The following MYO1E variants were observed in gnomAD, a reference collection of about 807,000 sequenced individuals.
MYO1E encodes the protein myosin IE, also known as unconventional myosin-Ie.
In MYO1E, 68 loss-of-function variants were observed where a neutral mutation model predicts 151.1. The ratio of observed to expected loss-of-function variants is 0.45; its 90% CI spans 0.37 to 0.55. MYO1E has a LOEUF of 0.55. MYO1E is among the 20% of genes least tolerant of loss of function. The pLI is 0.00. For synonymous variants in MYO1E, 601 were observed against 501.7 expected, an observed-to-expected ratio of 1.20 and a Z score of -2.64; for missense variants, 1,363 against 1,389.3, an observed-to-expected ratio of 0.98 and a Z score of 0.30.
At chr15:59,193,280 A>G (rs1220572171) in intron 17 of MYO1E, among the ~76,000 whole-genome samples, 13 of 152,214 alleles carry the variant, frequency 8.5e-5, no homozygotes, top group Admixed American at 5.9e-4. Flanking sequence ...AATGTAAGAG[A>G]GCAAAACAAG....
chr15:59,213,962 A>G (rs2079897769), intron 12 of MYO1E, among the ~76,000 whole-genome samples: 1 of 152,228 alleles, frequency 6.6e-6, no homozygotes, highest in Non-Finnish European at 1.5e-5. Context: ...CACGTGCTCA[A>G]TGAGTCAGTA....
At chr15:59,268,776 C>T (rs1566997359) in intron 2 of MYO1E, among the ~76,000 whole-genome samples, 1 of 110,566 alleles carries the variant, frequency 9.0e-6, no homozygotes, top group African/African-American at 3.2e-5. Context: ...GTTAAATGAA[C>T]CTACATTGCT....
intron 1 of MYO1E, among the ~76,000 whole-genome samples, chr15:59,356,316 T>TG (rs76605167): frequency 0.16 from 24,125 of 151,798 alleles, 2,194 homozygotes; most frequent in East Asian, 0.29. Flanking sequence ...CACAACGGAG[T>TG]GGGGAGTGAC....
At chr15:59,268,720 A>ATTTTGTTTTTTTTTTTTTTTTTTTTTTT (rs2080271394) in intron 2 of MYO1E, among the ~76,000 whole-genome samples, 1 of 44,906 alleles carries the variant, frequency 2.2e-5, no homozygotes. Context: ...TGACTTTGGT[A>ATTTTGTTTTTTTTTTTTTTTTTTTTTTT]TTTTTTTTTT....
chr15:59,276,549 C>G (rs2080320357), intron 1 of MYO1E, among the ~76,000 whole-genome samples: 1 of 152,220 alleles, frequency 6.6e-6, no homozygotes, highest in Non-Finnish European at 1.5e-5. Context: ...TGAGTGCAGA[C>G]ACTCTCAGAT....
intron 16 of MYO1E, among the ~76,000 whole-genome samples, chr15:59,198,500 G>A (rs2079781322): frequency 6.6e-6 from 1 of 152,054 alleles, no homozygotes; most frequent in South Asian, 2.1e-4. Flanking sequence ...ATTTAATCTA[G>A]AGATTGAAAT....
At chr15:59,233,890 C>CAAAA (rs11445698) in intron 5 of MYO1E, among the ~76,000 whole-genome samples, 1 of 147,558 alleles carries the variant, frequency 6.8e-6, no homozygotes. Flanking sequence ...GACTTAGTAC[C>CAAAA]AAAAAAAAAA....
chr15:59,361,827 A>T (rs983325310), intron 1 of MYO1E, among the ~76,000 whole-genome samples: 14 of 151,666 alleles, frequency 9.2e-5, no homozygotes, highest in African/African-American at 3.1e-4. Context: ...TTTTTTAATT[A>T]ATTTATTAAT....
At chr15:59,149,052 G>GTTTTTTTTTTT (rs570700878) in intron 26 of MYO1E, among the ~76,000 whole-genome samples, 2 of 128,232 alleles carry the variant, frequency 1.6e-5, no homozygotes, top group Admixed American at 7.8e-5. Context: ...TTTTTTTTTT[G>GTTTTTTTTTTT]TTTTTTTTTT....
intron 1 of MYO1E, among the ~76,000 whole-genome samples, chr15:59,359,038 G>T (rs1238896437): frequency 1.3e-5 from 2 of 152,058 alleles, no homozygotes; most frequent in Admixed American, 6.6e-5. Flanking sequence ...ACTTAAGAAT[G>T]AATATGGACA....
chr15:59,201,401 ATTTTTTTT>A (rs35807865), intron 16 of MYO1E, among the ~76,000 whole-genome samples: 2 of 113,218 alleles, frequency 1.8e-5, no homozygotes, highest in African/African-American at 6.4e-5. Flanking sequence ...GCTGACACAG[ATTTTTTTT>A]TTTTTTTTTT....
chr15:59,361,010 T>G (rs1234731694), intron 1 of MYO1E, among the ~76,000 whole-genome samples: 1 of 152,158 alleles, frequency 6.6e-6, no homozygotes, highest in Non-Finnish European at 1.5e-5. Context: ...TTGAAAAATG[T>G]GTGTGCCCTG....
At chr15:59,288,852 T>C (rs77292913) in intron 1 of MYO1E, among the ~76,000 whole-genome samples, 3,240 of 152,210 alleles carry the variant, frequency 0.021, 103 homozygotes, top group African/African-American at 0.068. Flanking sequence ...AGAAGATACA[T>C]AGGGAGTTCA....
intron 26 of MYO1E, among the ~76,000 whole-genome samples, chr15:59,144,076 G>C (rs2079426702): frequency 6.6e-6 from 1 of 152,200 alleles, no homozygotes. Context: ...TCTGTGTGCT[G>C]GGTTTGGGGC....
chr15:59,213,391 G>A (rs1467982631), intron 12 of MYO1E, among the ~76,000 whole-genome samples: 2 of 151,798 alleles, frequency 1.3e-5, no homozygotes, highest in Non-Finnish European at 2.9e-5. Flanking sequence ...GGCTGGTCTC[G>A]AATTCCTGAC....
chr15:59,288,527 T>A (rs1247801417), intron 1 of MYO1E, among the ~76,000 whole-genome samples: 1 of 152,206 alleles, frequency 6.6e-6, no homozygotes, highest in Non-Finnish European at 1.5e-5. Context: ...AGAGATTTCA[T>A]ATTACCCAAG....
chr15:59,149,004 T>G (rs929799332), intron 26 of MYO1E, among the ~76,000 whole-genome samples: 1 of 151,586 alleles, frequency 6.6e-6, no homozygotes. Flanking sequence ...GCACACTGGA[T>G]AGTGAGATCA....
At chr15:59,312,032 G>A (rs1254205854) in intron 1 of MYO1E, among the ~76,000 whole-genome samples, 1 of 152,074 alleles carries the variant, frequency 6.6e-6, no homozygotes, top group Non-Finnish European at 1.5e-5. Flanking sequence ...CCCAGTCTGT[G>A]GTATTCAGCT....
intron 1 of MYO1E, among the ~76,000 whole-genome samples, chr15:59,295,240 T>C (rs374136440): frequency 4.0e-5 from 6 of 151,580 alleles, no homozygotes; most frequent in South Asian, 2.1e-4. Flanking sequence ...AAGCACTGAA[T>C]TGGGAGAGAG....
Sources: gnomAD v4.1 joint callset for allele counts (sites outside exome capture counted in the v4.1 genomes callset) on GRCh38, gnomAD v4.1.1 for gene constraint, MANE v1.5 for transcripts, NCBI Gene and HGNC (gene_info 2026-07-23, HGNC 2026-07-21) for gene names.